The following TMEM117 variants were observed in gnomAD, a reference collection of about 807,000 sequenced individuals.
TMEM117 encodes the protein transmembrane protein 117.
TMEM117 carries 27 observed loss-of-function variants against 52.4 expected under a neutral mutation model. The observed-to-expected ratio is 0.51, with a 90% CI of 0.38 to 0.71. The LOEUF (loss-of-function observed/expected upper bound fraction) is 0.71, where lower values mean the gene tolerates loss of function less well. TMEM117 is among the 30% of genes least tolerant of loss of function. The pLI is 0.00. For missense variants in TMEM117, 556 were observed against 630.5 expected (o/e 0.88, Z 1.26); for synonymous variants, 215 against 206.3 (o/e 1.04, Z -0.36).
At chr12:43,799,159 A>C in the TMEM117 span, among the ~76,000 whole-genome samples, 1 of 152,134 alleles carries the variant, frequency 6.6e-6, no homozygotes, top group Non-Finnish European at 1.5e-5. Flanking sequence ...AAGATTTACT[A>C]TTCTGACATG....
chr12:43,923,783 C>A (rs1444176170), intron 2 of TMEM117, among the ~76,000 whole-genome samples: 1 of 152,008 alleles, frequency 6.6e-6, no homozygotes, highest in Non-Finnish European at 1.5e-5. Flanking sequence ...ACAGACGATG[C>A]TGGAAATGGA....
chr12:43,910,204 A>G (rs570693623), intron 2 of TMEM117, among the ~76,000 whole-genome samples: 79 of 151,724 alleles, frequency 5.2e-4, no homozygotes, highest in Admixed American at 1.4e-3. Flanking sequence ...GCAAATCAAT[A>G]AATGTAATCC....
chr12:44,143,776 A>G (rs1948603609), intron 4 of TMEM117, 152 bp downstream of exon 4: 2 of 604,764 alleles, frequency 3.3e-6, no homozygotes, highest in South Asian at 4.2e-5. Context: ...CAGAGATTAT[A>G]TCCAATATCT....
chr12:44,235,367 A>T (rs1949983195), intron 5 of TMEM117, among the ~76,000 whole-genome samples: 1 of 148,956 alleles, frequency 6.7e-6, no homozygotes, highest in Non-Finnish European at 1.5e-5. Flanking sequence ...AAACAATCTG[A>T]AAATCTTTTT....
chr12:43,921,411 A>ATC (rs1393060296), intron 2 of TMEM117, among the ~76,000 whole-genome samples: 1 of 152,162 alleles, frequency 6.6e-6, no homozygotes, highest in Non-Finnish European at 1.5e-5. Flanking sequence ...AGTCTGATAG[A>ATC]TCTAGATTTA....
intron 5 of TMEM117, among the ~76,000 whole-genome samples, chr12:44,284,645 G>T (rs1232857453): frequency 6.6e-6 from 1 of 152,164 alleles, no homozygotes; most frequent in Non-Finnish European, 1.5e-5. Flanking sequence ...ATTTGCAGTA[G>T]CATCTCAGCT....
At chr12:43,828,741 T>G in the TMEM117 span, among the ~76,000 whole-genome samples, 11 of 152,152 alleles carry the variant, frequency 7.2e-5, no homozygotes, top group Non-Finnish European at 1.3e-4. Context: ...CAACAATCTG[T>G]TTTTTCCTAC....
At chr12:44,183,621 A>C (rs1592588216) in intron 4 of TMEM117, among the ~76,000 whole-genome samples, 2 of 152,284 alleles carry the variant, frequency 1.3e-5, no homozygotes, top group East Asian at 1.9e-4. Context: ...ATCACACAGA[A>C]TGATTTTGTG....
At chr12:44,222,846 A>C (rs1328587153) in intron 5 of TMEM117, among the ~76,000 whole-genome samples, 2 of 152,184 alleles carry the variant, frequency 1.3e-5, no homozygotes, top group African/African-American at 4.8e-5. Flanking sequence ...TATAGCAAGT[A>C]GTGCTATAAT....
At chr12:44,058,292 T>G (rs1295654617) in intron 3 of TMEM117, among the ~76,000 whole-genome samples, 1 of 152,098 alleles carries the variant, frequency 6.6e-6, no homozygotes, top group Non-Finnish European at 1.5e-5. Flanking sequence ...GATAGTCAAA[T>G]CAGTATGAAA....
At chr12:44,252,181 T>C (rs1028897206) in intron 5 of TMEM117, among the ~76,000 whole-genome samples, 12 of 152,174 alleles carry the variant, frequency 7.9e-5, no homozygotes, top group African/African-American at 2.7e-4. Context: ...TCTCCTTTTT[T>C]TCCACCTATT....
chr12:43,986,076 A>T (rs1487915576), intron 3 of TMEM117, among the ~76,000 whole-genome samples: 7 of 152,182 alleles, frequency 4.6e-5, no homozygotes, highest in African/African-American at 9.6e-5. Context: ...GGGCTCTGAG[A>T]TGTAATACAC....
At position 44,389,736 on chromosome 12, in the gene TMEM117, TAATA is replaced by T. The variant is rs1312681578; in HGVS notation, c.*1070_*1073del. ...TTTTTAAGAACTAAATATTGCACAT[TAATA>T]AATAAGAATTATACAGCAGTGATTA... On this transcript the variant is annotated 3_prime_UTR_variant, in exon 8 of 8. Coordinates refer to ENST00000266534, the MANE Select transcript of TMEM117 (RefSeq NM_032256.3). 6.6e-6 allele frequency: 1 copy of T among 152,470 alleles called. No individual in the cohort carries two copies. Among genetic ancestry groups the T allele is most frequent in the Non-Finnish European group, 1.5e-5 (1 of 68,014 alleles). 9.4% of individuals were successfully genotyped at this position (152,470 alleles called of 1,614,324 possible).
chr12:44,345,789 T>C (rs1260788118), intron 6 of TMEM117, among the ~76,000 whole-genome samples: 2 of 152,150 alleles, frequency 1.3e-5, no homozygotes, highest in African/African-American at 4.8e-5. Flanking sequence ...TAATTAATTC[T>C]ACATTTTAAA....
At chr12:43,891,067 A>G (rs1319826656) in intron 2 of TMEM117, among the ~76,000 whole-genome samples, 12 of 152,058 alleles carry the variant, frequency 7.9e-5, no homozygotes, top group Admixed American at 7.9e-4. Flanking sequence ...CACACCCACT[A>G]GCTTCTTACT....
At chr12:44,289,236 TG>T (rs2138616140) in intron 5 of TMEM117, among the ~76,000 whole-genome samples, 1 of 126,926 alleles carries the variant, frequency 7.9e-6, no homozygotes, top group South Asian at 2.3e-4. Context: ...TGTGTGTGTG[TG>T]TGTGTGTGTG....
intron 4 of TMEM117, among the ~76,000 whole-genome samples, chr12:44,209,259 C>T (rs1190343879): frequency 6.6e-6 from 1 of 151,804 alleles, no homozygotes; most frequent in Admixed American, 6.6e-5. Flanking sequence ...TTCTTTTTTT[C>T]CAGTAACAAT....
At chr12:43,976,855 G>T (rs563522031) in intron 3 of TMEM117, among the ~76,000 whole-genome samples, 1 of 152,274 alleles carries the variant, frequency 6.6e-6, no homozygotes, top group African/African-American at 2.4e-5. Flanking sequence ...TTCTGGCTTT[G>T]CATCCTAGAA....
At chr12:44,091,860 G>A (rs41531550) in intron 3 of TMEM117, among the ~76,000 whole-genome samples, 1,527 of 152,242 alleles carry the variant, frequency 0.01, 10 homozygotes, top group African/African-American at 0.016. Context: ...GATAAATGTA[G>A]TCCAGTTATA....
Sources: allele counts gnomAD v4.1 joint callset (sites outside exome capture counted in the v4.1 genomes callset), GRCh38; gene constraint gnomAD v4.1.1; transcripts MANE v1.5; gene names NCBI Gene and HGNC (gene_info 2026-07-23, HGNC 2026-07-21).